Variants in AGBL1 observed in about 807,000 individuals in gnomAD.
The protein encoded by AGBL1 is AGBL carboxypeptidase 1.
AGBL1 carries 130 observed loss-of-function variants against 118.9 expected under a neutral mutation model. The ratio of observed to expected loss-of-function variants is 1.09; its 90% CI spans 0.95 to 1.26. AGBL1 has a LOEUF of 1.26. AGBL1 is among the 50% of genes most tolerant of loss of function. The probability of loss-of-function intolerance (pLI) is 0.00; values close to 1 mark genes in which losing one functional copy is unlikely to be tolerated. For missense variants in AGBL1, 1,584 were observed against 1,298.1 expected (o/e 1.22, Z -3.38); for synonymous variants, 555 against 478.9 (o/e 1.16, Z -2.08).
At chr15:86,990,214 T>A (rs886618634) in intron 24 of AGBL1, among the ~76,000 whole-genome samples, 2 of 152,038 alleles carry the variant, frequency 1.3e-5, no homozygotes, top group African/African-American at 4.8e-5. Context: ...AGGGGCTTGG[T>A]CAAATAAGAA....
At chr15:86,691,496 G>T (rs529430140) in intron 22 of AGBL1, among the ~76,000 whole-genome samples, 3 of 152,138 alleles carry the variant, frequency 2.0e-5, no homozygotes, top group Non-Finnish European at 2.9e-5. Flanking sequence ...CTCCTGAAAG[G>T]CACATGTGTG....
intron 21 of AGBL1, among the ~76,000 whole-genome samples, chr15:86,574,169 C>T (rs2084049727): frequency 6.6e-6 from 1 of 152,190 alleles, no homozygotes; most frequent in South Asian, 2.1e-4. Context: ...GCTGGATAGG[C>T]TGTACATAGT....
chr15:86,687,714 T>C (rs541831138), intron 22 of AGBL1, among the ~76,000 whole-genome samples: 3 of 152,150 alleles, frequency 2.0e-5, no homozygotes, highest in Non-Finnish European at 4.4e-5. Context: ...TTCTTAAATC[T>C]GCACGTTTTT....
intron 22 of AGBL1, among the ~76,000 whole-genome samples, chr15:86,675,371 A>G (rs2085821904): frequency 2.0e-5 from 3 of 152,224 alleles, no homozygotes; most frequent in African/African-American, 7.2e-5. Context: ...TGACATACTG[A>G]ATGGCCAGTG....
intron 18 of AGBL1, among the ~76,000 whole-genome samples, chr15:86,418,751 AC>A (rs1324478790): frequency 1.3e-5 from 2 of 152,086 alleles, no homozygotes; most frequent in Admixed American, 6.6e-5. Context: ...TCCCACAGGC[AC>A]CTCTCATAAT....
At chr15:86,129,524 T>A (rs552175245) in intron 1 of AGBL1, among the ~76,000 whole-genome samples, 2 of 152,330 alleles carry the variant, frequency 1.3e-5, no homozygotes, top group Admixed American at 1.3e-4. Context: ...AGGAATAGTA[T>A]GTTACATAGG....
At chr15:86,346,900 C>A (rs1426438263) in intron 17 of AGBL1, among the ~76,000 whole-genome samples, 1 of 152,182 alleles carries the variant, frequency 6.6e-6, no homozygotes, top group Admixed American at 6.5e-5. Flanking sequence ...CAAGCACTGG[C>A]TGTTTTGTGT....
chr15:86,563,403 C>A (rs1325979195), intron 21 of AGBL1, among the ~76,000 whole-genome samples: 3 of 152,060 alleles, frequency 2.0e-5, no homozygotes, highest in African/African-American at 7.2e-5. Context: ...CGTTATGTAC[C>A]CAGTAGTCAT....
chr15:86,799,697 CA>C (rs1199411858), intron 22 of AGBL1, among the ~76,000 whole-genome samples: 1 of 151,096 alleles, frequency 6.6e-6, no homozygotes, highest in Admixed American at 6.6e-5. Context: ...TGACTTTGGA[CA>C]AAAAAAAGAA....
chr15:86,116,325 GC>G (rs1897754070), intron 1 of AGBL1, among the ~76,000 whole-genome samples: 1 of 152,168 alleles, frequency 6.6e-6, no homozygotes, highest in Non-Finnish European at 1.5e-5. Context: ...TCTCTCTAGT[GC>G]TAAAGCTGAA....
intron 22 of AGBL1, among the ~76,000 whole-genome samples, chr15:86,830,679 A>C (rs1349899893): frequency 6.6e-6 from 1 of 152,182 alleles, no homozygotes; most frequent in Non-Finnish European, 1.5e-5. Context: ...TTTATTTAAA[A>C]GGCCAGCCAT....
chr15:86,973,687 C>T (rs1002655955), intron 23 of AGBL1, among the ~76,000 whole-genome samples: 1 of 151,816 alleles, frequency 6.6e-6, no homozygotes, highest in South Asian at 2.1e-4. Context: ...GAGAAAGGAT[C>T]TTTGTGCTTA....
intron 6 of AGBL1, among the ~76,000 whole-genome samples, chr15:86,242,330 T>C (rs903301922): frequency 5.9e-5 from 9 of 152,236 alleles, no homozygotes; most frequent in African/African-American, 2.2e-4. Context: ...GCAACAGATA[T>C]TGTACCTATT....
downstream of AGBL1, among the ~76,000 whole-genome samples, chr15:86,918,869 G>A (rs879753034): frequency 5.9e-5 from 9 of 152,306 alleles, no homozygotes; most frequent in Admixed American, 3.3e-4. Context: ...CAACAAAATC[G>A]GGTCTGGATT....
At chr15:86,425,807 T>C (rs1196665648) in intron 18 of AGBL1, among the ~76,000 whole-genome samples, 3 of 152,176 alleles carry the variant, frequency 2.0e-5, no homozygotes, top group Non-Finnish European at 4.4e-5. Flanking sequence ...TGTCTGTATT[T>C]TTAATATACT....
At position 86,104,637 on chromosome 15, in the gene AGBL1, G is replaced by A. The variant is rs570870712; in HGVS notation, c.51+24614G>A. Reference sequence around the variant, plus strand: ...AATGGCTTGTGCTTTTGCCCTGGAGGCAGCAGCCAGCAGTGGTGATGGCTA... The same window carrying A: ...AATGGCTTGTGCTTTTGCCCTGGAGACAGCAGCCAGCAGTGGTGATGGCTA... On this transcript the variant is annotated intron_variant, in intron 1 of 22. Coordinates refer to ENST00000614907, the MANE Select transcript of AGBL1 (RefSeq NM_001386094.1). 3.2e-3 allele frequency among the ~76,000 whole-genome samples: 495 copies of A among 152,320 alleles called. 16 individuals are homozygous for A. The South Asian group carries it at 0.066, about 20-fold the overall frequency.
At chr15:86,374,028 C>T (rs1015397884) in intron 17 of AGBL1, among the ~76,000 whole-genome samples, 1 of 152,142 alleles carries the variant, frequency 6.6e-6, no homozygotes, top group Non-Finnish European at 1.5e-5. Context: ...CAGAGGTTAG[C>T]AGGTGAGGAA....
At position 86,264,561 on chromosome 15, in the gene AGBL1, A is replaced by G; in HGVS notation, c.1390A>G (p.Lys464Glu). The G allele has an allele frequency of 6.2e-7, 1 of 1,614,054 alleles. No homozygotes were observed. The highest frequency in any genetic ancestry group is 1.1e-5 in the South Asian group (1 of 91,074). Residue 464 changes from lysine to glutamate, a missense_variant, in exon 11 of 23, where the codon AAA (lysine) becomes GAA (glutamate). Physicochemically the swap from Lys to Glu is moderately conservative, Grantham distance 56. Coordinates refer to ENST00000614907, the MANE Select transcript of AGBL1 (RefSeq NM_001386094.1). ...SEIPDIQASP[K>E]ADAWDVDAIF... ...AATCCCTGACATTCAGGCTTCCCCG[A>G]AAGCAGATGCCTGGGACGTAGATGC...
intron 18 of AGBL1, among the ~76,000 whole-genome samples, chr15:86,423,173 T>C (rs1275666039): frequency 6.6e-6 from 1 of 152,198 alleles, no homozygotes; most frequent in Admixed American, 6.5e-5. Context: ...TGAATATCAA[T>C]GTGAAAATCC....
Sources: gnomAD v4.1 joint callset for allele counts (sites outside exome capture counted in the v4.1 genomes callset) on GRCh38, gnomAD v4.1.1 for gene constraint, MANE v1.5 for transcripts, NCBI Gene and HGNC (gene_info 2026-07-23, HGNC 2026-07-21) for gene names.